GRIK5: variants seen among roughly 807,000 people sequenced by gnomAD.
GRIK5 encodes glutamate receptor ionotropic, kainate 5.
In GRIK5, 43 loss-of-function variants were observed where a neutral mutation model predicts 97.4. The observed-to-expected ratio is 0.44, with a 90% CI of 0.35 to 0.57. The LOEUF (loss-of-function observed/expected upper bound fraction) is 0.57, where lower values mean the gene tolerates loss of function less well. Ranked by LOEUF, GRIK5 falls within the 20% of genes least tolerant of loss-of-function variation. GRIK5 has a pLI of 0.01. For missense variants in GRIK5, 1,015 were observed against 1,382.0 expected, an observed-to-expected ratio of 0.73 and a Z score of 4.21; for synonymous variants, 580 against 583.5, an observed-to-expected ratio of 0.99 and a Z score of 0.09.
intron 15 of GRIK5, among the ~76,000 whole-genome samples, chr19:42,007,428 C>G (rs2075506361): frequency 6.6e-6 from 1 of 152,176 alleles, no homozygotes; most frequent in Non-Finnish European, 1.5e-5. Flanking sequence ...CAAGAGACAT[C>G]ATAGAACTGT....
intron 6 of GRIK5, 152 bp from the exon 7 acceptor site, chr19:42,057,130 TAGAC>T (rs758889195): frequency 3.8e-5 from 26 of 678,306 alleles, no homozygotes; most frequent in Non-Finnish European, 4.0e-5. Flanking sequence ...TGCTCAGAGA[TAGAC>T]AGACAGGGAG....
At chr19:42,050,221 T>C (rs931632680) in intron 11 of GRIK5, among the ~76,000 whole-genome samples, 7 of 151,670 alleles carry the variant, frequency 4.6e-5, no homozygotes, top group Non-Finnish European at 1.0e-4. Context: ...TGAACCACCA[T>C]GCCCAGACTG....
At chr19:42,039,465 A>G (rs551854545) in intron 12 of GRIK5, among the ~76,000 whole-genome samples, 1 of 152,306 alleles carries the variant, frequency 6.6e-6, no homozygotes, top group East Asian at 1.9e-4. Context: ...CAGCAGAGCC[A>G]GAGTCCGTCT....
In GRIK5 at chr19:42,002,147, C is replaced by T. The variant is rs990444984; in HGVS notation, c.2514+1185G>A. On this transcript the variant is annotated intron_variant, in intron 19 of 19. Transcript: ENST00000593562. The surrounding 1 kb of genome is among the most constrained non-coding windows in gnomAD (Gnocchi z 5.2). ...TGGAAGTTGCTGGTGACAAGAGTGG[C>T]TTCAGTGGAGTGGCAGGGACCGATG... 16 of 717,374 alleles carry T rather than the reference C, an allele frequency of 2.2e-5. No individual in the cohort carries two copies. Among genetic ancestry groups the T allele is most frequent in the African/African-American group, 5.2e-5 (3 of 57,216 alleles). 44.4% of individuals were successfully genotyped at this position (717,374 alleles called of 1,614,324 possible).
At position 42,006,617 on chromosome 19, in the gene GRIK5, C is replaced by T; in HGVS notation, c.2037+28G>A. 1 of 1,608,348 alleles carries T rather than the reference C, an allele frequency of 6.2e-7. No homozygotes were observed. On this transcript the variant is annotated intron_variant, in intron 16 of 19. Transcript: ENST00000593562. This position sits in a 1 kb window ranked among gnomAD's most constrained non-coding sequence, Gnocchi z 5.3. ...CTTTGCATGGCAGGGATCCCAACAC[C>T]ACGCCTGAGAGGTTCTGGTGGCCCC...
At chr19:42,063,207 C>A in intron 3 of GRIK5, 1 of 470,128 alleles carries the variant, frequency 2.1e-6, no homozygotes, top group South Asian at 1.6e-5. Flanking sequence ...ATGCCACAAC[C>A]CACGGTGCAC....
chr19:42,060,323 A>G (rs1429539995), intron 5 of GRIK5, among the ~76,000 whole-genome samples: 1 of 152,172 alleles, frequency 6.6e-6, no homozygotes. Context: ...CTGTGAGTGA[A>G]GCAGACCAGG....
At chr19:42,030,064 T>G (rs2075823047) in intron 12 of GRIK5, among the ~76,000 whole-genome samples, 1 of 152,218 alleles carries the variant, frequency 6.6e-6, no homozygotes, top group Non-Finnish European at 1.5e-5. Flanking sequence ...TTTTTACCCC[T>G]TAAGTTAGCT....
intron 15 of GRIK5, among the ~76,000 whole-genome samples, chr19:42,013,179 ACT>A (rs2075583937): frequency 6.8e-6 from 1 of 146,342 alleles, no homozygotes; most frequent in African/African-American, 2.5e-5. Flanking sequence ...CAAAGTAAGA[ACT>A]CTCTACAAAA....
In GRIK5 at chr19:42,002,426, T is replaced by C. The variant is rs1315152080; in HGVS notation, c.2514+906A>G. The C allele has an allele frequency of 1.4e-6, 1 of 717,504 alleles. No individual in the cohort carries two copies. The highest frequency in any genetic ancestry group is 2.6e-6 in the Non-Finnish European group (1 of 385,112). The allele number at this position is 717,504 out of a possible 1,614,324, so 44.4% of individuals were successfully genotyped here. A position where few individuals can be genotyped will look rare whatever the true frequency, so the allele number is the denominator to read the frequency against. On this transcript the variant is annotated intron_variant, in intron 19 of 19. Transcript: ENST00000593562. This position sits in a 1 kb window ranked among gnomAD's most constrained non-coding sequence, Gnocchi z 5.2. ...GGACAGACTTGCCGGAGGGATGTCC[T>C]TGAGAAGGCAACCTGGACACGGGTG...
At position 42,005,878 on chromosome 19, in the gene GRIK5, T is replaced by C. The variant is rs1192184547; in HGVS notation, c.2108A>G (p.Lys703Arg). 6.2e-7 allele frequency: 1 copy of C among 1,611,684 alleles called. No homozygotes were observed. The highest frequency in any genetic ancestry group is 8.5e-7 in the Non-Finnish European group (1 of 1,178,232). Residue 703 changes from lysine to arginine, a missense_variant, in exon 17 of 20, where the codon AAG becomes AGG. Lys to Arg is a conservative substitution (Grantham distance 26). Around this residue, in one of 5 missense-constraint regions of GRIK5, gnomAD observed 229 missense variants for 341.0 expected, o/e 0.67. Transcript: ENST00000593562. ...MQSKQPSVFV[K>R]STEEGIARVL... ...GCGGGCAATGCCCTCTTCTGTGCTC[T>C]TGACGAACACGCTGGGCTGCTTCGA...
In GRIK5 at chr19:42,022,136, G is replaced by T; in HGVS notation, c.1588-80C>A. 7.2e-7 allele frequency: 1 copy of T among 1,397,542 alleles called. No homozygotes were observed. Among genetic ancestry groups the T allele is most frequent in the Non-Finnish European group, 1.0e-6 (1 of 996,154 alleles). The allele number at this position is 1,397,542 out of a possible 1,614,324, so 86.6% of individuals were successfully genotyped here. ...AGCCCCTGCCCTACCAGGGACCTGGGAGCCTGACCGGCCCATCTGAGGTCC... is the reference window on the plus strand; with the variant it reads ...AGCCCCTGCCCTACCAGGGACCTGGTAGCCTGACCGGCCCATCTGAGGTCC... On this transcript the variant is annotated intron_variant, in intron 13 of 19. Coordinates refer to ENST00000593562, the MANE Select transcript of GRIK5 (RefSeq NM_002088.5). The surrounding 1 kb of genome is among the most constrained non-coding windows in gnomAD (Gnocchi z 4.2).
intron 12 of GRIK5, among the ~76,000 whole-genome samples, chr19:42,035,677 G>A (rs1046318598): frequency 6.6e-6 from 1 of 152,080 alleles, no homozygotes; most frequent in South Asian, 2.1e-4. Context: ...GCCACTGCAC[G>A]CCAGCCTGGG....
Position 42,062,585 on chromosome 19 carries a change from G to T in GRIK5, c.411C>A (p.Ser137Arg). The stretch of plus-strand genomic sequence containing the variant: ...TGACGTCCTCGTTACTGGGGTACAG[G>T]CTGACAGACGCGAAGCGAAGGTACT... ...RLQYLRFASV[S>R]LYPSNEDVSL... is the part of the protein sequence containing the mutation. The change falls in exon 5 of 20, where the codon AGC becomes AGA. Residue 137 changes from serine (S) to arginine (R), a missense_variant. By Grantham distance (110) the Ser-to-Arg change is moderately radical (BLOSUM62 -1). This residue lies in a region of GRIK5 where 198 missense variants were observed against 218.2 expected (regional missense o/e 0.91). Coordinates refer to ENST00000593562, the MANE Select transcript of GRIK5 (RefSeq NM_002088.5). The surrounding 1 kb of genome is among the most constrained non-coding windows in gnomAD (Gnocchi z 5.3). The T allele has an allele frequency of 6.2e-7, 1 of 1,614,202 alleles. No individual in the cohort carries two copies.
At chr19:42,050,313 G>T (rs1245282000) in intron 11 of GRIK5, among the ~76,000 whole-genome samples, 1 of 152,114 alleles carries the variant, frequency 6.6e-6, no homozygotes, top group Non-Finnish European at 1.5e-5. Context: ...TGTGTGGATG[G>T]CAGTGCCAGG....
Position 42,042,426 on chromosome 19 carries a change from C to T in GRIK5, c.1473+126G>A. 1.3e-6 allele frequency: 1 copy of T among 797,570 alleles called. No homozygotes were observed. The highest frequency in any genetic ancestry group is 2.0e-6 in the Non-Finnish European group (1 of 495,532). The allele number at this position is 797,570 out of a possible 1,614,324, so 49.4% of individuals were successfully genotyped here. A position where few individuals can be genotyped will look rare whatever the true frequency, so the allele number is the denominator to read the frequency against. On this transcript the variant is annotated intron_variant, in intron 12 of 19. Transcript: ENST00000593562. The surrounding 1 kb of genome is among the most constrained non-coding windows in gnomAD (Gnocchi z 6.9). ...ACATCAGTGAGGTGGTGTCAGGGGCCCTTCATGGCTCCTTCCTCTTCTGCC... is the reference window on the plus strand; with the variant it reads ...ACATCAGTGAGGTGGTGTCAGGGGCTCTTCATGGCTCCTTCCTCTTCTGCC...
intron 12 of GRIK5, among the ~76,000 whole-genome samples, chr19:42,037,240 AC>A (rs2075917174): frequency 1.3e-5 from 2 of 152,184 alleles, no homozygotes; most frequent in Non-Finnish European, 2.9e-5. Flanking sequence ...CGGACAGCTC[AC>A]TTGAGGTCAG....
chr19:42,001,241 T>A (rs1242739072), intron 19 of GRIK5, among the ~76,000 whole-genome samples: 1 of 152,228 alleles, frequency 6.6e-6, no homozygotes, highest in African/African-American at 2.4e-5. Flanking sequence ...TTCTTTCTGT[T>A]TCTTTTTGAG....
chr19:42,021,840 A>C lies in GRIK5; in HGVS notation c.1697+107T>G, dbSNP rs535917947. On this transcript the variant is annotated intron_variant, in intron 14 of 19. Coordinates refer to ENST00000593562, the MANE Select transcript of GRIK5 (RefSeq NM_002088.5). The surrounding 1 kb of genome is among the most constrained non-coding windows in gnomAD (Gnocchi z 4.2). ...GAGGGCACAGGGAATCCGAGGCCCCAAAGGGGAGGCCAAGGACAGTTCCGA... is the reference window on the plus strand; with the variant it reads ...GAGGGCACAGGGAATCCGAGGCCCCCAAGGGGAGGCCAAGGACAGTTCCGA... 435 of 697,538 alleles carry C rather than the reference A, an allele frequency of 6.2e-4. 1 individual carries two copies. Among genetic ancestry groups the C allele is most frequent in the Non-Finnish European group, 1.0e-4 (41 of 402,532 alleles). 43.2% of individuals were successfully genotyped at this position (697,538 alleles called of 1,614,324 possible). A position where few individuals can be genotyped will look rare whatever the true frequency, so the allele number is the denominator to read the frequency against.
Sources: allele counts gnomAD v4.1 joint callset (sites outside exome capture counted in the v4.1 genomes callset), GRCh38; gene constraint gnomAD v4.1.1; regional missense constraint gnomAD v4.1.1; non-coding constraint Gnocchi (gnomAD v3.1); transcripts MANE v1.5; gene names NCBI Gene and HGNC (gene_info 2026-07-23, HGNC 2026-07-21).